FDFT1: variants seen among roughly 807,000 people sequenced by gnomAD.
The protein encoded by FDFT1 is farnesyl-diphosphate farnesyltransferase 1.
FDFT1 carries 68 observed loss-of-function variants against 46.8 expected under a neutral mutation model. The observed-to-expected ratio is 1.45, with a 90% CI of 1.19 to 1.78. The LOEUF (loss-of-function observed/expected upper bound fraction) is 1.78, where lower values mean the gene tolerates loss of function less well. Among genes scored for constraint, FDFT1 ranks in the 40% most tolerant of loss-of-function variants. The pLI is 0.00. For synonymous variants in FDFT1, 351 were observed against 185.1 expected (o/e 1.90, Z -7.28); for missense variants, 928 against 524.4 (o/e 1.77, Z -7.52).
chr8:11,826,164 C>T lies in FDFT1; in HGVS notation c.651C>T (p.Ile217=), dbSNP rs777992769. Residue 217 remains isoleucine, a synonymous_variant, in exon 5 of 8, where the codon ATC becomes ATT. Transcript: ENST00000220584. ...TGTTTTTGCAGAAAACAAACATCAT[C>T]CGTGACTATCTGGAAGACCAGCAAG... ...MGLFLQKTNI[I]RDYLEDQQGG... 21 of 1,597,688 alleles carry T rather than the reference C, an allele frequency of 1.3e-5. No homozygotes were observed. Among genetic ancestry groups the T allele is most frequent in the Non-Finnish European group, 1.7e-5 (20 of 1,167,912 alleles).
At chr8:11,828,766 T>C (rs1163785595) in intron 5 of FDFT1, among the ~76,000 whole-genome samples, 1 of 152,248 alleles carries the variant, frequency 6.6e-6, no homozygotes, top group East Asian at 1.9e-4. Flanking sequence ...TCATGCCAAA[T>C]GTGGTCCTAG....
At chr8:11,807,903 G>A (rs942627669) in intron 1 of FDFT1, 1 of 152,210 alleles carries the variant, frequency 6.6e-6, no homozygotes, top group African/African-American at 2.4e-5. Flanking sequence ...GAGAGACCTC[G>A]GTACAGAACT....
chr8:11,821,566 G>A (rs1027537399), intron 3 of FDFT1, among the ~76,000 whole-genome samples, 184 bp from the exon 4 acceptor site: 3 of 152,184 alleles, frequency 2.0e-5, no homozygotes, highest in African/African-American at 4.8e-5. Flanking sequence ...ACTCCAGCCT[G>A]GGCAACATTG....
intron 7 of FDFT1, 157 bp downstream of exon 7, chr8:11,831,827 T>G (rs1810846855): frequency 7.5e-6 from 5 of 664,620 alleles, no homozygotes; most frequent in Middle Eastern, 8.4e-4. Flanking sequence ...GAAAAAAGTC[T>G]ATTCACAGGA....
At chr8:11,833,445 A>G (rs1482589142) in intron 7 of FDFT1, among the ~76,000 whole-genome samples, 1 of 151,416 alleles carries the variant, frequency 6.6e-6, no homozygotes, top group Non-Finnish European at 1.5e-5. Context: ...GAAACATTTT[A>G]TGTAGTAAGT....
chr8:11,810,790 G>A (rs1015180994), intron 3 of FDFT1, among the ~76,000 whole-genome samples: 1 of 152,074 alleles, frequency 6.6e-6, no homozygotes, highest in Non-Finnish European at 1.5e-5. Context: ...TTTGTCCACA[G>A]TTGCCAGAGC....
At chr8:11,813,637 A>G (rs73547716) in intron 3 of FDFT1, among the ~76,000 whole-genome samples, 3,074 of 152,278 alleles carry the variant, frequency 0.02, 114 homozygotes, top group African/African-American at 0.071. Flanking sequence ...AATCAGAGGA[A>G]TTTGTATCTG....
intron 1 of FDFT1, among the ~76,000 whole-genome samples, chr8:11,797,038 G>C (rs1422358706): frequency 6.6e-6 from 1 of 152,248 alleles, no homozygotes; most frequent in Non-Finnish European, 1.5e-5. Context: ...TAGGAAAAGG[G>C]TAGTAACTTC....
chr8:11,805,600 T>C (rs532657588), intron 1 of FDFT1, among the ~76,000 whole-genome samples: 42 of 152,338 alleles, frequency 2.8e-4, no homozygotes, highest in Admixed American at 1.8e-3. Flanking sequence ...GGGATGTATG[T>C]ATGGTAACGA....
chr8:11,802,412 C>T (rs985357518), upstream of FDFT1: 6 of 457,594 alleles, frequency 1.3e-5, no homozygotes, highest in African/African-American at 1.0e-4. Flanking sequence ...CTAAGCCCCA[C>T]CGCCTCACCT....
At chr8:11,808,658 C>T (rs1807237830) in intron 1 of FDFT1, 136 bp from the exon 2 acceptor site, 7 of 1,442,966 alleles carry the variant, frequency 4.9e-6, no homozygotes, top group Non-Finnish European at 6.4e-6. Flanking sequence ...CCTGGCCCTG[C>T]AAGGACTGGC....
At chr8:11,819,848 C>A (rs1053457315) in intron 3 of FDFT1, among the ~76,000 whole-genome samples, 1 of 152,088 alleles carries the variant, frequency 6.6e-6, no homozygotes, top group Non-Finnish European at 1.5e-5. Context: ...CTACTTCTGT[C>A]AACTCGTTAA....
At chr8:11,804,929 G>C (rs1292141038) in intron 1 of FDFT1, among the ~76,000 whole-genome samples, 39 of 146,364 alleles carry the variant, frequency 2.7e-4, no homozygotes, top group African/African-American at 9.2e-4. Flanking sequence ...TTTTTTTGAG[G>C]GGGGGGTCTC....
At chr8:11,815,297 C>G (rs977376215) in intron 3 of FDFT1, among the ~76,000 whole-genome samples, 2 of 152,068 alleles carry the variant, frequency 1.3e-5, no homozygotes, top group East Asian at 3.8e-4. Flanking sequence ...GGTTCCAGGT[C>G]TTTGCTATTG....
intron 7 of FDFT1, among the ~76,000 whole-genome samples, chr8:11,836,793 T>TGG (rs1313382040): frequency 2.6e-5 from 4 of 152,362 alleles, no homozygotes; most frequent in African/African-American, 9.6e-5. Flanking sequence ...CCCAGCCCTT[T>TGG]GGGAGGCCGA....
At chr8:11,826,439 G>C (rs536519795) in intron 5 of FDFT1, among the ~76,000 whole-genome samples, 23 of 152,194 alleles carry the variant, frequency 1.5e-4, no homozygotes, top group Non-Finnish European at 2.6e-4. Flanking sequence ...TGCTGTCCTT[G>C]ATTTCTTTCA....
At chr8:11,804,545 G>A (rs957682092) in intron 1 of FDFT1, among the ~76,000 whole-genome samples, 1 of 151,572 alleles carries the variant, frequency 6.6e-6, no homozygotes, top group African/African-American at 2.4e-5. Flanking sequence ...CCTTTAATTA[G>A]GGGAAATAAA....
At chr8:11,831,010 C>G (rs138554159) in intron 6 of FDFT1, among the ~76,000 whole-genome samples, 1 of 152,148 alleles carries the variant, frequency 6.6e-6, no homozygotes, top group Non-Finnish European at 1.5e-5. Flanking sequence ...AAATCTGTAT[C>G]GCCGTCTTAT....
chr8:11,834,394 C>G (rs1432359779), intron 7 of FDFT1, among the ~76,000 whole-genome samples: 3 of 152,202 alleles, frequency 2.0e-5, no homozygotes, highest in African/African-American at 4.8e-5. Flanking sequence ...ACCCCCATTC[C>G]CCTCTCTGCC....
Sources: gnomAD v4.1 joint callset for allele counts (sites outside exome capture counted in the v4.1 genomes callset) on GRCh38, gnomAD v4.1.1 for gene constraint, MANE v1.5 for transcripts, NCBI Gene and HGNC (gene_info 2026-07-23, HGNC 2026-07-21) for gene names.